The following ZHX1 variants were observed in gnomAD, a reference collection of about 807,000 sequenced individuals.
ZHX1 encodes zinc fingers and homeoboxes protein 1.
ZHX1 carries 20 observed loss-of-function variants against 61.8 expected under a neutral mutation model. The ratio of observed to expected loss-of-function variants is 0.32; its 90% confidence interval spans 0.23 to 0.47. ZHX1 has a LOEUF of 0.47. ZHX1 is among the 20% of genes least tolerant of loss of function. The pLI, the probability that ZHX1 is intolerant of heterozygous loss-of-function variation, is 1.00. For synonymous variants in ZHX1, 318 were observed against 352.6 expected, an observed-to-expected ratio of 0.90 and a Z score of 1.10; for missense variants, 800 against 1,034.8, an observed-to-expected ratio of 0.77 and a Z score of 3.11.
chr8:123,256,630 G>A (rs1937581948), intron 2 of ZHX1, among the ~76,000 whole-genome samples: 1 of 152,044 alleles, frequency 6.6e-6, no homozygotes, highest in Non-Finnish European at 1.5e-5. Flanking sequence ...CAGGCGTGGT[G>A]GCAGGTGCCT....
Position 123,253,580 on chromosome 8 carries a change from G to A in ZHX1, c.2367C>T (p.Tyr789=). The A allele has an allele frequency of 6.2e-7, 1 of 1,614,172 alleles. No homozygotes were observed. The highest frequency in any genetic ancestry group is 1.1e-5 in the South Asian group (1 of 91,080). The change falls in exon 3 of 4, where the codon TAC becomes TAT. Residue 789 remains tyrosine, a synonymous_variant. Transcript: ENST00000395571. ...KTGTAILKDY[Y]LKHKFLNEQD... is the part of the protein sequence containing the mutation. ...GCTCATTAAGAAACTTGTGCTTCAG[G>A]TAATAATCCTTAAGTATTGCAGTTC...
In ZHX1 at chr8:123,270,404, TATTTTA is replaced by T. The variant is rs1361383345; in HGVS notation, c.-339-3024_-339-3019del. Among the ~76,000 whole-genome samples, 3 of 152,196 alleles carry T rather than the reference TATTTTA, an allele frequency of 2.0e-5. No individual in the cohort carries two copies. The East Asian group carries it at 5.8e-4, about 29-fold the overall frequency. On this transcript the variant is annotated intron_variant, in intron 1 of 3. Coordinates refer to ENST00000395571, the MANE Select transcript of ZHX1 (RefSeq NM_007222.5). ...ATATATGATATGGCTATGACTTCGA[TATTTTA>T]ATTTTGTTAAGATAAATTCTGATAA...
chr8:123,262,210 G>C (rs1363089499), intron 2 of ZHX1, among the ~76,000 whole-genome samples: 1 of 152,078 alleles, frequency 6.6e-6, no homozygotes, highest in Non-Finnish European at 1.5e-5. Flanking sequence ...TTTCAAAACT[G>C]CTTTCAGTTA....
intron 1 of ZHX1, among the ~76,000 whole-genome samples, chr8:123,273,166 G>C (rs955958127): frequency 4.6e-5 from 7 of 152,122 alleles, no homozygotes; most frequent in African/African-American, 1.7e-4. Flanking sequence ...ATATCAAATG[G>C]AATCTTTTCC....
chr8:123,275,530 G>A (rs993652250), upstream of ZHX1: 1 of 150,144 alleles, frequency 6.7e-6, no homozygotes, highest in African/African-American at 2.5e-5. Flanking sequence ...TCAAGTGGAA[G>A]TCTGATTTTT....
At chr8:123,259,340 G>C (rs1195435727) in intron 2 of ZHX1, among the ~76,000 whole-genome samples, 2 of 150,564 alleles carry the variant, frequency 1.3e-5, no homozygotes, top group African/African-American at 4.9e-5. Flanking sequence ...TTAACCAAAT[G>C]TTATAAACTA....
chr8:123,251,507 G>C (rs1825917229), intron 3 of ZHX1, among the ~76,000 whole-genome samples: 1 of 151,616 alleles, frequency 6.6e-6, no homozygotes, highest in African/African-American at 2.4e-5. Context: ...CAAAATTAAA[G>C]GTCAAACTAA....
At chr8:123,266,417 G>A (rs955281868) in intron 2 of ZHX1, among the ~76,000 whole-genome samples, 1 of 152,122 alleles carries the variant, frequency 6.6e-6, no homozygotes, top group East Asian at 1.9e-4. Context: ...TACTTTGAAA[G>A]ATAATAGTAA....
rs534947565 is a variant in ZHX1, at chr8:123,273,395, G to A, written c.-340+822C>T. Among the ~76,000 whole-genome samples the A allele has an allele frequency of 7.9e-5, 12 of 152,226 alleles. No individual in the cohort carries two copies. In the South Asian group the frequency reaches 2.5e-3, roughly 32 times the overall value. On this transcript the variant is annotated intron_variant, in intron 1 of 3. Coordinates refer to ENST00000395571, the MANE Select transcript of ZHX1 (RefSeq NM_007222.5). The stretch of plus-strand genomic sequence containing the variant: ...ATACCCCTTGAGGTATTAGTAGATT[G>A]TTCACTGTGGGCCCTAAGGCTTGGA...
chr8:123,257,797 C>T (rs1457902387), intron 2 of ZHX1, among the ~76,000 whole-genome samples: 4 of 152,146 alleles, frequency 2.6e-5, no homozygotes, highest in Non-Finnish European at 5.9e-5. Flanking sequence ...TTCTGCTGTG[C>T]GGCCCAGTTC....
chr8:123,252,652 A>T (rs560087697), intron 3 of ZHX1: 1 of 152,326 alleles, frequency 6.6e-6, no homozygotes, highest in Admixed American at 6.5e-5. Flanking sequence ...AGCAAACATG[A>T]ATTTATATAT....
rs759985746 is a variant in ZHX1, at chr8:123,253,597, T to C, written c.2350A>G (p.Ile784Val). 1.4e-5 allele frequency: 22 copies of C among 1,614,104 alleles called. No individual in the cohort carries two copies. The highest frequency in any genetic ancestry group is 1.7e-5 in the Non-Finnish European group (20 of 1,180,030). Residue 784 changes from isoleucine (I) to valine (V), a missense_variant, in exon 3 of 4, where the codon ATA becomes GTA. Coordinates refer to ENST00000395571, the MANE Select transcript of ZHX1 (RefSeq NM_007222.5). ...SLIKFKTGTA[I>V]LKDYYLKHKF... ...TGCTTCAGGTAATAATCCTTAAGTA[T>C]TGCAGTTCCAGTTTTAAATTTTATG...
In ZHX1 at chr8:123,249,421, C is replaced by T. The variant is rs1343758864; in HGVS notation, c.*903G>A. 6.6e-6 allele frequency: 1 copy of T among 152,124 alleles called. No individual in the cohort carries two copies. Among genetic ancestry groups the T allele is most frequent in the Non-Finnish European group, 1.5e-5 (1 of 67,996 alleles). 9.4% of individuals were successfully genotyped at this position (152,124 alleles called of 1,614,324 possible). A position where few individuals can be genotyped will look rare whatever the true frequency, so the allele number is the denominator to read the frequency against. ...GTTATAAAATTTCACTGAAAGATAA[C>T]TCTTAAAAATTCTGATCTGACACCT... is the stretch of plus-strand genomic sequence containing the variant. On this transcript the variant is annotated 3_prime_UTR_variant, in exon 4 of 4. Transcript: ENST00000395571.
chr8:123,265,097 G>A (rs1826412672), intron 2 of ZHX1, among the ~76,000 whole-genome samples: 1 of 150,718 alleles, frequency 6.6e-6, no homozygotes, highest in African/African-American at 2.4e-5. Context: ...GTTGAGGCAG[G>A]AGAATCGCTT....
In ZHX1 at chr8:123,271,307, T is replaced by A. The variant is rs575108851; in HGVS notation, c.-340+2910A>T. 5.4e-4 allele frequency among the ~76,000 whole-genome samples: 83 copies of A among 152,334 alleles called. 1 individual carries two copies. In the South Asian group the frequency reaches 0.016, roughly 30 times the overall value. On this transcript the variant is annotated intron_variant, in intron 1 of 3. Coordinates refer to ENST00000395571, the MANE Select transcript of ZHX1 (RefSeq NM_007222.5). ...ATTTAGTCTTAACAGTAAATGTGCT[T>A]ATCACAACATAAATAAATATTTATA... is the stretch of plus-strand genomic sequence containing the variant.
intron 1 of ZHX1, among the ~76,000 whole-genome samples, chr8:123,272,672 A>C (rs1339873932): frequency 6.6e-6 from 1 of 152,236 alleles, no homozygotes; most frequent in Non-Finnish European, 1.5e-5. Context: ...ACACAAATTA[A>C]AGCTTTCAGA....
intron 1 of ZHX1, 110 bp downstream of exon 1, chr8:123,274,106 GC>G: frequency 6.5e-6 from 1 of 153,008 alleles, no homozygotes; most frequent in Non-Finnish European, 1.5e-5. Context: ...CTCCCGCCAG[GC>G]CCCGCGCTAC....
At position 123,264,645 on chromosome 8, in the gene ZHX1, G is replaced by A. The variant is rs1268024451; in HGVS notation, c.-226+2628C>T. Among the ~76,000 whole-genome samples, 14 of 151,900 alleles carry A rather than the reference G, an allele frequency of 9.2e-5. 1 individual carries two copies. The highest frequency in any genetic ancestry group is 1.9e-4 in the Non-Finnish European group (13 of 68,000). On this transcript the variant is annotated intron_variant, in intron 2 of 3. Coordinates refer to ENST00000395571, the MANE Select transcript of ZHX1 (RefSeq NM_007222.5). The stretch of plus-strand genomic sequence containing the variant: ...GCAATCTCGGCTCACTGCAACCGCC[G>A]CCTCCCAGGTTCAAGCAATTCTCTG...
At chr8:123,250,718 T>G (rs1825893926) in intron 3 of ZHX1, among the ~76,000 whole-genome samples, 1 of 152,222 alleles carries the variant, frequency 6.6e-6, no homozygotes, top group African/African-American at 2.4e-5. Flanking sequence ...GTAACTTTTT[T>G]GGTAAATTGA....
Sources: allele counts gnomAD v4.1 joint callset (sites outside exome capture counted in the v4.1 genomes callset), GRCh38; gene constraint gnomAD v4.1.1; transcripts MANE v1.5; gene names NCBI Gene and HGNC (gene_info 2026-07-23, HGNC 2026-07-21).